Variants in INPP4B observed in about 807,000 individuals in gnomAD.
INPP4B encodes the protein inositol polyphosphate 4-phosphatase type II.
INPP4B carries 55 observed loss-of-function variants against 122.5 expected under a neutral mutation model. The observed-to-expected ratio is 0.45, with a 90% confidence interval of 0.36 to 0.56. The LOEUF is 0.56. INPP4B is among the 20% of genes least tolerant of loss of function. The pLI, the probability that INPP4B is intolerant of heterozygous loss-of-function variation, is 0.00. For missense variants in INPP4B, 1,000 were observed against 1,097.7 expected (o/e 0.91, Z 1.26); for synonymous variants, 403 against 388.7 (o/e 1.04, Z -0.43).
chr4:142,028,683 C>T lies in INPP4B; in HGVS notation c.*99G>A, dbSNP rs1374314391. ...GAAACATCTGTGATCATCTCCCCCA[C>T]CACAAATTCATGACAATAAAAACAA... On this transcript the variant is annotated 3_prime_UTR_variant, in exon 26 of 26. Coordinates refer to ENST00000262992, the MANE Select transcript of INPP4B (RefSeq NM_001101669.3). 1 of 1,294,894 alleles carries T rather than the reference C, an allele frequency of 7.7e-7. No individual in the cohort carries two copies. The highest frequency in any genetic ancestry group is 2.4e-5 in the East Asian group (1 of 42,346). 80.2% of individuals were successfully genotyped at this position (1,294,894 alleles called of 1,614,324 possible).
chr4:142,297,259 C>A (rs1420710810), intron 9 of INPP4B, among the ~76,000 whole-genome samples: 1 of 152,180 alleles, frequency 6.6e-6, no homozygotes, highest in South Asian at 2.1e-4. Flanking sequence ...GTGATTAAAG[C>A]CAGAATTTAG....
At chr4:142,248,935 A>G (rs1730536413) in intron 11 of INPP4B, among the ~76,000 whole-genome samples, 1 of 152,086 alleles carries the variant, frequency 6.6e-6, no homozygotes, top group Non-Finnish European at 1.5e-5. Flanking sequence ...TTGTTAACAT[A>G]AAATGATATA....
In INPP4B at chr4:142,334,734, C is replaced by A. The variant is rs531244935; in HGVS notation, c.373-19972G>T. 2.6e-4 allele frequency among the ~76,000 whole-genome samples: 39 copies of A among 152,190 alleles called. 1 individual carries two copies. In the South Asian group the frequency reaches 7.9e-3, roughly 31 times the overall value. On this transcript the variant is annotated intron_variant, in intron 7 of 25. Transcript: ENST00000262992. ...TAGGCAATTTTTTCTATACCTTTGG[C>A]CATTTCTATGTCTTCTTTGGATAAA...
chr4:142,123,479 A>G lies in INPP4B; in HGVS notation c.1894-64T>C, dbSNP rs988867160. On this transcript the variant is annotated intron_variant, in intron 19 of 25. Coordinates refer to ENST00000262992, the MANE Select transcript of INPP4B (RefSeq NM_001101669.3). The stretch of plus-strand genomic sequence containing the variant: ...AAACGTATTTGTTTTATTTTGAAAT[A>G]TTTTAAGACTTCTGAGGCATCACAG... 3 of 1,523,442 alleles carry G rather than the reference A, an allele frequency of 2.0e-6. No homozygotes were observed. The African/African-American group carries it at 4.1e-5, about 21-fold the overall frequency. The allele number at this position is 1,523,442 out of a possible 1,614,324, so 94.4% of individuals were successfully genotyped here.
intron 1 of INPP4B, among the ~76,000 whole-genome samples, chr4:142,739,412 T>C (rs979430313): frequency 6.6e-6 from 1 of 152,042 alleles, no homozygotes; most frequent in Non-Finnish European, 1.5e-5. Context: ...AAATATGAAG[T>C]GTTTGCCTAT....
At chr4:142,475,223 C>T (rs757242130) in intron 2 of INPP4B, among the ~76,000 whole-genome samples, 9 of 151,900 alleles carry the variant, frequency 5.9e-5, no homozygotes, top group South Asian at 4.2e-4. Context: ...CAAAACTAGT[C>T]GACTGAACTC....
intron 11 of INPP4B, among the ~76,000 whole-genome samples, chr4:142,254,863 GAT>G (rs921260842): frequency 6.2e-4 from 95 of 152,038 alleles, no homozygotes; most frequent in Non-Finnish European, 1.2e-3. Context: ...ATGCCACAAA[GAT>G]ACTCCTCGAG....
Position 142,208,462 on chromosome 4 carries a change from A to G in INPP4B, c.1035T>C (p.His345=). 1 of 1,600,684 alleles carries G rather than the reference A, an allele frequency of 6.2e-7. No individual in the cohort carries two copies. ...KTLEFVPINL[H]LQRMQVHSPH... ...GGCTGTGTACCTGCATTCTTTGCAG[A>G]TGTAGATTTATTGGAACAAATTCTA... The change falls in exon 14 of 26, where the codon CAT becomes CAC. Residue 345 remains histidine (H), a synonymous_variant. Transcript: ENST00000262992.
chr4:142,283,865 G>A (rs1752319184), intron 9 of INPP4B, among the ~76,000 whole-genome samples: 1 of 152,024 alleles, frequency 6.6e-6, no homozygotes, highest in Non-Finnish European at 1.5e-5. Context: ...CTAAACTGAG[G>A]TATAGGACCC....
intron 12 of INPP4B, among the ~76,000 whole-genome samples, chr4:142,214,776 C>A (rs755254339): frequency 7.2e-5 from 11 of 152,316 alleles, no homozygotes; most frequent in Non-Finnish European, 1.3e-4. Context: ...TGGACTCGAA[C>A]TCCTGACCTC....
intron 2 of INPP4B, among the ~76,000 whole-genome samples, chr4:142,505,250 A>G (rs957684845): frequency 1.3e-5 from 2 of 152,072 alleles, no homozygotes; most frequent in East Asian, 3.9e-4. Context: ...TAAAAAAAAA[A>G]AAAAAGAAAA....
chr4:142,606,462 T>G (rs969466525), intron 2 of INPP4B, among the ~76,000 whole-genome samples: 1 of 151,802 alleles, frequency 6.6e-6, no homozygotes, highest in Admixed American at 6.6e-5. Context: ...TAAACCCCAA[T>G]TACCCTGACT....
At chr4:142,070,919 AT>A (rs1301666246) in intron 25 of INPP4B, among the ~76,000 whole-genome samples, 1 of 152,160 alleles carries the variant, frequency 6.6e-6, no homozygotes, top group African/African-American at 2.4e-5. Context: ...GCCCAAGGTA[AT>A]TTACAGATTC....
chr4:142,349,798 T>C (rs1781396679), intron 7 of INPP4B, among the ~76,000 whole-genome samples: 1 of 151,894 alleles, frequency 6.6e-6, no homozygotes, highest in Non-Finnish European at 1.5e-5. Context: ...CACATGAGCT[T>C]ATTTGTCAGC....
intron 1 of INPP4B, among the ~76,000 whole-genome samples, chr4:142,841,719 T>C (rs1783516067): frequency 6.6e-6 from 1 of 151,928 alleles, no homozygotes; most frequent in African/African-American, 2.4e-5. Flanking sequence ...ATAAATGATC[T>C]ATTATAAACA....
At chr4:142,703,920 G>C (rs1762137803) in intron 2 of INPP4B, among the ~76,000 whole-genome samples, 1 of 152,194 alleles carries the variant, frequency 6.6e-6, no homozygotes, top group Admixed American at 6.5e-5. Flanking sequence ...TACCTTCAAA[G>C]TGTGGAAGGA....
intron 2 of INPP4B, among the ~76,000 whole-genome samples, chr4:142,588,584 A>T (rs6537113): frequency 0.99 from 147,570 of 149,632 alleles, 72,754 homozygotes; most frequent in Middle Eastern, 1. Context: ...ATAATTTTTA[A>T]GTTATATAAT....
chr4:142,701,632 G>A (rs1172757784), intron 2 of INPP4B, among the ~76,000 whole-genome samples: 3 of 151,788 alleles, frequency 2.0e-5, no homozygotes, highest in Non-Finnish European at 4.4e-5. Context: ...TTAAACACTA[G>A]TTTGAAAGAC....
intron 5 of INPP4B, among the ~76,000 whole-genome samples, chr4:142,426,240 T>C (rs1466263291): frequency 2.0e-5 from 3 of 151,992 alleles, no homozygotes; most frequent in African/African-American, 7.2e-5. Flanking sequence ...GAAGTGTATT[T>C]TATATACTTG....
Sources: gnomAD v4.1 joint callset for allele counts (sites outside exome capture counted in the v4.1 genomes callset) on GRCh38, gnomAD v4.1.1 for gene constraint, MANE v1.5 for transcripts, NCBI Gene and HGNC (gene_info 2026-07-23, HGNC 2026-07-21) for gene names.